The following PLOD2 variants were observed in gnomAD, a reference collection of about 807,000 sequenced individuals.
PLOD2 encodes lysine hydroxylase 2.
A neutral mutation model predicts 101.0 loss-of-function variants in PLOD2; 65 were observed. The ratio of observed to expected loss-of-function variants is 0.64; its 90% confidence interval spans 0.53 to 0.79. The LOEUF (loss-of-function observed/expected upper bound fraction) is 0.79, where lower values mean the gene tolerates loss of function less well. Ranked by LOEUF, PLOD2 falls within the 30% of genes least tolerant of loss-of-function variation. PLOD2 has a pLI of 0.00. For synonymous variants in PLOD2, 314 were observed against 302.9 expected (o/e 1.04, Z -0.38); for missense variants, 909 against 914.6 (o/e 0.99, Z 0.08).
intron 6 of PLOD2, among the ~76,000 whole-genome samples, chr3:146,104,019 A>C (rs6781300): frequency 9.9e-5 from 15 of 152,054 alleles, no homozygotes; most frequent in Non-Finnish European, 1.6e-4. Flanking sequence ...CTTATCTAAA[A>C]TTCCCAAATG....
chr3:146,091,297 A>G (rs776350574), intron 8 of PLOD2, among the ~76,000 whole-genome samples: 5 of 151,966 alleles, frequency 3.3e-5, no homozygotes, highest in Middle Eastern at 3.4e-3. Flanking sequence ...TATGCACCTC[A>G]GTTTTCTCGT....
At position 146,110,247 on chromosome 3, in the gene PLOD2, T is replaced by TAAAA. The variant is rs777973245; in HGVS notation, c.502+37_502+38insTTTT. On this transcript the variant is annotated intron_variant, in intron 4 of 19. Transcript: ENST00000282903. ...AAAATGGTTGTTTCATTAGTCTTTA[T>TAAAA]AACTTGCATTAAACTTTTCTTCCAG... The TAAAA allele has an allele frequency of 1.9e-6, 3 of 1,584,254 alleles. No individual in the cohort carries two copies. The African/African-American group carries it at 4.0e-5, about 21-fold the overall frequency.
intron 7 of PLOD2, among the ~76,000 whole-genome samples, chr3:146,098,165 C>G (rs1466900443): frequency 6.6e-6 from 1 of 152,084 alleles, no homozygotes; most frequent in African/African-American, 2.4e-5. Flanking sequence ...ACATGCATAC[C>G]TATGTACAAC....
intron 17 of PLOD2, among the ~76,000 whole-genome samples, chr3:146,071,714 T>A (rs769148731): frequency 3.3e-5 from 5 of 151,756 alleles, no homozygotes; most frequent in Non-Finnish European, 5.9e-5. Context: ...TCCTAAGCCC[T>A]CACATCCTTT....
intron 2 of PLOD2, among the ~76,000 whole-genome samples, chr3:146,121,777 A>G (rs1440697530): frequency 6.6e-6 from 1 of 152,178 alleles, no homozygotes; most frequent in Non-Finnish European, 1.5e-5. Flanking sequence ...CTAAAGCTTA[A>G]TAAGGATTTT....
intron 3 of PLOD2, among the ~76,000 whole-genome samples, chr3:146,120,438 C>T (rs567267326): frequency 6.6e-6 from 1 of 152,042 alleles, no homozygotes; most frequent in South Asian, 2.1e-4. Flanking sequence ...GAAACTTGAT[C>T]CCTTCCTTAC....
At chr3:146,090,689 C>G (rs1007897732) in intron 8 of PLOD2, among the ~76,000 whole-genome samples, 6 of 151,748 alleles carry the variant, frequency 4.0e-5, no homozygotes, top group African/African-American at 1.4e-4. Flanking sequence ...TCATAAGCTC[C>G]TACATGTACA....
chr3:146,098,381 T>C (rs910294860), intron 7 of PLOD2, among the ~76,000 whole-genome samples: 2 of 152,172 alleles, frequency 1.3e-5, no homozygotes, highest in Admixed American at 6.5e-5. Flanking sequence ...TAAAAATTGA[T>C]TCATATTAGA....
At position 146,077,310 on chromosome 3, in the gene PLOD2, T is replaced by A. The variant is rs1437019882; in HGVS notation, c.1564-415A>T. ...ATCAAGAATTCACTGCCAGTTATAT[T>A]TCACCAGTCTGTTTCATTCCTTTCT... On this transcript the variant is annotated intron_variant, in intron 14 of 19. Coordinates refer to ENST00000282903, the MANE Select transcript of PLOD2 (RefSeq NM_182943.3). 3 of 249,024 alleles carry A rather than the reference T, an allele frequency of 1.2e-5. No homozygotes were observed. The Admixed American group carries it at 1.9e-4, about 15-fold the overall frequency. The allele number at this position is 249,024 out of a possible 1,614,324, so 15.4% of individuals were successfully genotyped here.
intron 8 of PLOD2, 43 bp from the exon 9 acceptor site, chr3:146,088,754 T>C (rs1378298331): frequency 2.0e-6 from 3 of 1,485,050 alleles, no homozygotes; most frequent in African/African-American, 2.8e-5. Flanking sequence ...ATCATTAGTA[T>C]GGTTTTGTTT....
chr3:146,110,891 T>C (rs1002366231), intron 3 of PLOD2, among the ~76,000 whole-genome samples: 8 of 152,292 alleles, frequency 5.3e-5, no homozygotes, highest in African/African-American at 1.7e-4. Context: ...ACAAAATGTG[T>C]TTAACTGCTA....
chr3:146,103,580 A>G (rs930479893), intron 6 of PLOD2, among the ~76,000 whole-genome samples: 6 of 151,812 alleles, frequency 4.0e-5, no homozygotes, highest in African/African-American at 1.2e-4. Flanking sequence ...AGCCTCTCAT[A>G]TAGCTGGGAC....
intron 7 of PLOD2, among the ~76,000 whole-genome samples, chr3:146,096,890 G>GGGGGC (rs1937195272): frequency 8.4e-6 from 1 of 118,754 alleles, no homozygotes; most frequent in African/African-American, 3.6e-5. Context: ...TGGGGGGGGG[G>GGGGGC]AGTCGGCCAG....
chr3:146,071,125 G>A lies in PLOD2; in HGVS notation c.2038C>T (p.Arg680Ter), dbSNP rs780770356. 1.3e-5 allele frequency: 21 copies of A among 1,610,798 alleles called. No homozygotes were observed. The highest frequency in any genetic ancestry group is 1.7e-5 in the Non-Finnish European group (20 of 1,177,760). Residue 680 changes from arginine to a stop codon, truncating the protein, a stop_gained, in exon 19 of 20, where the codon CGA becomes TGA. Transcript: ENST00000282903. LOFTEE classifies it high-confidence loss of function. ...TGATGAGGACGAAGAGAACGCTGTCGTTCAGGGGAGTATTTTACTACAAAA... is the reference window on the plus strand; with the variant it reads ...TGATGAGGACGAAGAGAACGCTGTCATTCAGGGGAGTATTTTACTACAAAA... ...LNFVVKYSPE[R>*]QRSLRPHHDA...
chr3:146,096,573 G>A (rs1407115452), intron 7 of PLOD2, among the ~76,000 whole-genome samples: 2 of 90,286 alleles, frequency 2.2e-5, no homozygotes, highest in Admixed American at 2.0e-4. Context: ...CTGCTGGGCC[G>A]CAACCCTGTC....
chr3:146,092,641 T>A (rs1290238087), intron 7 of PLOD2, among the ~76,000 whole-genome samples: 1 of 152,084 alleles, frequency 6.6e-6, no homozygotes, highest in African/African-American at 2.4e-5. Flanking sequence ...CTTAAACAGC[T>A]ATTGGTATTC....
chr3:146,082,979 A>C (rs1297516583), intron 11 of PLOD2, among the ~76,000 whole-genome samples: 2 of 152,226 alleles, frequency 1.3e-5, no homozygotes, highest in African/African-American at 4.8e-5. Flanking sequence ...CTAAACTATT[A>C]ATCAGAAACA....
intron 4 of PLOD2, among the ~76,000 whole-genome samples, chr3:146,108,241 T>G (rs1283133099): frequency 6.6e-6 from 1 of 152,130 alleles, no homozygotes; most frequent in Admixed American, 6.6e-5. Flanking sequence ...AGTGCAATGG[T>G]GCACTCATGG....
At chr3:146,093,047 C>G (rs546538222) in intron 7 of PLOD2, among the ~76,000 whole-genome samples, 40 of 151,990 alleles carry the variant, frequency 2.6e-4, no homozygotes, top group Non-Finnish European at 5.0e-4. Flanking sequence ...ACATGGGGAT[C>G]AAAAAATGTA....
Sources: gnomAD v4.1 joint callset for allele counts (sites outside exome capture counted in the v4.1 genomes callset) on GRCh38, gnomAD v4.1.1 for gene constraint, MANE v1.5 for transcripts, NCBI Gene and HGNC (gene_info 2026-07-23, HGNC 2026-07-21) for gene names.